GAS2: variants seen among roughly 807,000 people sequenced by gnomAD.
GAS2 encodes growth arrest-specific protein 2.
Under a neutral mutation model 37.5 loss-of-function variants are expected in GAS2, and 20 were observed. That is an observed-to-expected ratio of 0.53 (90% CI 0.37 to 0.77). The LOEUF (loss-of-function observed/expected upper bound fraction) is 0.77. GAS2 is among the 30% of genes least tolerant of loss of function. GAS2 has a pLI of 0.00. For synonymous variants in GAS2, 144 were observed against 132.2 expected, an observed-to-expected ratio of 1.09 and a Z score of -0.61; for missense variants, 336 against 373.4, an observed-to-expected ratio of 0.90 and a Z score of 0.82.
intron 7 of GAS2, among the ~76,000 whole-genome samples, chr11:22,809,629 A>G (rs1857047882): frequency 6.6e-6 from 1 of 150,602 alleles, no homozygotes; most frequent in Admixed American, 6.6e-5. Context: ...CTGAGACTAC[A>G]GGCGCCTGCC....
At chr11:22,731,239 C>T (rs962828102) in intron 4 of GAS2, 5 of 354,988 alleles carry the variant, frequency 1.4e-5, no homozygotes, top group South Asian at 4.6e-5. Flanking sequence ...TGGGAGATGG[C>T]GAAAAAAGGG....
At chr11:22,731,202 GT>G (rs1004652129) in intron 4 of GAS2, 2 of 234,572 alleles carry the variant, frequency 8.5e-6, no homozygotes, top group African/African-American at 4.7e-5. Context: ...TGTTTATTTT[GT>G]TTTATTTATA....
chr11:22,693,312 GT>G (rs1217241758), intron 3 of GAS2, among the ~76,000 whole-genome samples: 3 of 152,178 alleles, frequency 2.0e-5, no homozygotes, highest in African/African-American at 7.2e-5. Flanking sequence ...TGAATGTTAA[GT>G]ACCAGGATAT....
chr11:22,795,890 A>T lies in GAS2; in HGVS notation c.724-15908A>T, dbSNP rs531371421. Among the ~76,000 whole-genome samples the T allele has an allele frequency of 9.5e-4, 145 of 152,270 alleles. 2 individuals are homozygous for T. In the Middle Eastern group the frequency reaches 0.037, roughly 39 times the overall value. On this transcript the variant is annotated intron_variant, in intron 7 of 7. Transcript: ENST00000454584. ...AAAATAATCTGGGTGAGATCAAAAA[A>T]TTTTGGACTAAGGAGCTAGTAGTGA...
At chr11:22,686,158 A>T (rs1488129046) in intron 3 of GAS2, among the ~76,000 whole-genome samples, 1 of 152,200 alleles carries the variant, frequency 6.6e-6, no homozygotes, top group Non-Finnish European at 1.5e-5. Context: ...TGTTTTCAAA[A>T]ATATTATGGC....
chr11:22,737,766 C>A lies in GAS2; in HGVS notation c.471C>A (p.Ala157=), dbSNP rs754122927. ...LCLLELGRIA[A]RYGVEPPGLI... ...TGCTAGAGCTTGGCCGGATTGCAGCCAGGTAGGTCAAACCACTGCAACTAT... is the reference window on the plus strand; with the variant it reads ...TGCTAGAGCTTGGCCGGATTGCAGCAAGGTAGGTCAAACCACTGCAACTAT... The change falls in exon 5 of 8, where the codon GCC becomes GCA. Residue 157 remains alanine, a splice_region_variant and synonymous_variant. Coordinates refer to ENST00000454584, the MANE Select transcript of GAS2 (RefSeq NM_001143830.3). 6.2e-7 allele frequency: 1 copy of A among 1,613,870 alleles called. No homozygotes were observed. The highest frequency in any genetic ancestry group is 2.2e-5 in the East Asian group (1 of 44,882).
intron 1 of GAS2, among the ~76,000 whole-genome samples, chr11:22,635,030 TG>T (rs1460504486): frequency 3.3e-5 from 5 of 152,128 alleles, no homozygotes; most frequent in Admixed American, 3.3e-4. Flanking sequence ...TAATGGACTG[TG>T]TCAGTTGGCC....
upstream of GAS2, among the ~76,000 whole-genome samples, chr11:22,665,114 C>T (rs1466455690): frequency 6.6e-6 from 1 of 152,036 alleles, no homozygotes; most frequent in African/African-American, 2.4e-5. Context: ...CTGTATTTAG[C>T]ATTGTTCCTG....
At chr11:22,684,152 G>A (rs188594830) in intron 2 of GAS2, among the ~76,000 whole-genome samples, 3 of 152,324 alleles carry the variant, frequency 2.0e-5, no homozygotes, top group Non-Finnish European at 4.4e-5. Context: ...CCTATAGATA[G>A]ATCACGGAGT....
At chr11:22,731,243 A>C (rs982540092) in intron 4 of GAS2, 1 of 365,644 alleles carries the variant, frequency 2.7e-6, no homozygotes, top group African/African-American at 2.2e-5. Context: ...AGATGGCGAA[A>C]AAAGGGATGG....
chr11:22,683,702 C>CA (rs1849808597), intron 2 of GAS2, among the ~76,000 whole-genome samples: 1 of 150,134 alleles, frequency 6.7e-6, no homozygotes, highest in African/African-American at 2.5e-5. Flanking sequence ...CTGTGTTTCA[C>CA]AAAAATAATA....
chr11:22,753,498 T>C (rs1853857297), intron 6 of GAS2, among the ~76,000 whole-genome samples: 1 of 152,134 alleles, frequency 6.6e-6, no homozygotes, highest in African/African-American at 2.4e-5. Context: ...CCATACAGAC[T>C]TGTGATTGTC....
chr11:22,809,115 C>A (rs527656264), intron 7 of GAS2, among the ~76,000 whole-genome samples: 1 of 152,230 alleles, frequency 6.6e-6, no homozygotes, highest in South Asian at 2.1e-4. Context: ...ATATGTAAAA[C>A]AACATGGTAC....
rs1456053845 is a variant in GAS2, at chr11:22,694,158, TTAAAA to T, written c.267+8375_267+8379del. Among the ~76,000 whole-genome samples, 3 of 152,092 alleles carry T rather than the reference TTAAAA, an allele frequency of 2.0e-5. No individual in the cohort carries two copies. In the East Asian group the frequency reaches 5.8e-4, roughly 29 times the overall value. On this transcript the variant is annotated intron_variant, in intron 3 of 7. Transcript: ENST00000454584. ...CAAACCTGCACTTGTACCCCTGAACTTAAAATAAAAGTTAAAAAAATAAGAATTTA... is the reference window on the plus strand; with the variant it reads ...CAAACCTGCACTTGTACCCCTGAACTTAAAAGTTAAAAAAATAAGAATTTA...
intron 3 of GAS2, 68 bp from the exon 4 acceptor site, chr11:22,726,224 A>T (rs1852205707): frequency 6.7e-7 from 1 of 1,493,744 alleles, no homozygotes; most frequent in Admixed American, 2.2e-5. Flanking sequence ...TGTTGAAAAC[A>T]TGTTTTTAAA....
At chr11:22,743,705 T>C (rs990755515) in intron 5 of GAS2, among the ~76,000 whole-genome samples, 2 of 151,942 alleles carry the variant, frequency 1.3e-5, no homozygotes, top group African/African-American at 2.4e-5. Flanking sequence ...GTTAAGTGAT[T>C]TGTGAAATTT....
chr11:22,762,473 C>A (rs1400214219), intron 7 of GAS2, among the ~76,000 whole-genome samples: 2 of 152,104 alleles, frequency 1.3e-5, no homozygotes, highest in African/African-American at 2.4e-5. Context: ...ACTTGCCAAA[C>A]CTATAACACA....
chr11:22,767,621 A>T (rs975086138), intron 7 of GAS2, among the ~76,000 whole-genome samples: 2 of 152,182 alleles, frequency 1.3e-5, no homozygotes, highest in Non-Finnish European at 2.9e-5. Flanking sequence ...ATAACTGATG[A>T]GTCTTCTAGC....
At chr11:22,638,235 C>T (rs1858864273) in intron 1 of GAS2, among the ~76,000 whole-genome samples, 1 of 152,114 alleles carries the variant, frequency 6.6e-6, no homozygotes. Flanking sequence ...AACATGTACT[C>T]TTGGTCCTGA....
Sources: gnomAD v4.1 joint callset for allele counts (sites outside exome capture counted in the v4.1 genomes callset) on GRCh38, gnomAD v4.1.1 for gene constraint, MANE v1.5 for transcripts, NCBI Gene and HGNC (gene_info 2026-07-23, HGNC 2026-07-21) for gene names.